The following ENOX1 variants were observed in gnomAD, a reference collection of about 807,000 sequenced individuals.
The protein encoded by ENOX1 is ecto-NOX disulfide-thiol exchanger 1.
A neutral mutation model predicts 82.5 loss-of-function variants in ENOX1; 42 were observed. The ratio of observed to expected loss-of-function variants is 0.51; its 90% CI spans 0.40 to 0.66. The LOEUF (loss-of-function observed/expected upper bound fraction) is 0.66. Among genes scored for constraint, ENOX1 ranks in the 30% least tolerant of loss-of-function variants. The probability of loss-of-function intolerance (pLI) is 0.00; values close to 1 mark genes in which losing one functional copy is unlikely to be tolerated. For synonymous variants in ENOX1, 271 were observed against 282.2 expected (o/e 0.96, Z 0.40); for missense variants, 608 against 811.6 (o/e 0.75, Z 3.05).
At chr13:43,516,085 A>T (rs990373161) in intron 2 of ENOX1, among the ~76,000 whole-genome samples, 13 of 152,196 alleles carry the variant, frequency 8.5e-5, no homozygotes, top group African/African-American at 3.1e-4. Flanking sequence ...AGTATCTAGC[A>T]GTCAGCGGGA....
At chr13:43,360,755 T>C (rs2050450611) in intron 6 of ENOX1, among the ~76,000 whole-genome samples, 1 of 150,682 alleles carries the variant, frequency 6.6e-6, no homozygotes, top group Non-Finnish European at 1.5e-5. Context: ...ATAAACTTAG[T>C]ATCTGAGGCA....
intron 12 of ENOX1, among the ~76,000 whole-genome samples, chr13:43,291,148 T>C (rs1184700252): frequency 1.3e-5 from 2 of 152,244 alleles, no homozygotes; most frequent in African/African-American, 2.4e-5. Context: ...CTTGTCCTTC[T>C]ATGCTTGTGC....
At chr13:43,541,962 A>G (rs1464504907) in intron 2 of ENOX1, among the ~76,000 whole-genome samples, 2 of 152,152 alleles carry the variant, frequency 1.3e-5, no homozygotes, top group African/African-American at 4.8e-5. Flanking sequence ...CCCTCCGAAA[A>G]AAAGAGAACG....
At chr13:43,698,316 T>C (rs1413192179) in intron 1 of ENOX1, among the ~76,000 whole-genome samples, 1 of 152,162 alleles carries the variant, frequency 6.6e-6, no homozygotes, top group African/African-American at 2.4e-5. Flanking sequence ...TACCTTTTGG[T>C]AAACACATTC....
At chr13:43,646,852 G>A (rs191419213) in intron 2 of ENOX1, among the ~76,000 whole-genome samples, 192 of 152,264 alleles carry the variant, frequency 1.3e-3, no homozygotes, top group Admixed American at 4.6e-3. Flanking sequence ...TACAGAGCAC[G>A]TCTCAATAAT....
intron 1 of ENOX1, among the ~76,000 whole-genome samples, chr13:43,681,240 G>C (rs988132615): frequency 1.3e-5 from 2 of 152,056 alleles, no homozygotes; most frequent in African/African-American, 2.4e-5. Flanking sequence ...TTATAGAATG[G>C]AAAAGGCTTT....
At chr13:43,762,831 T>C (rs1951059650) in intron 1 of ENOX1, among the ~76,000 whole-genome samples, 1 of 152,188 alleles carries the variant, frequency 6.6e-6, no homozygotes. Flanking sequence ...TTACAAGAAA[T>C]ATTTATGGGA....
At chr13:43,469,069 T>C (rs886870657) in intron 3 of ENOX1, among the ~76,000 whole-genome samples, 1 of 152,186 alleles carries the variant, frequency 6.6e-6, no homozygotes, top group African/African-American at 2.4e-5. Context: ...TGGAAAACTT[T>C]CAGTCTTTCA....
chr13:43,691,360 T>C (rs1376453302), intron 1 of ENOX1, among the ~76,000 whole-genome samples: 4 of 152,024 alleles, frequency 2.6e-5, no homozygotes, highest in Non-Finnish European at 5.9e-5. Flanking sequence ...ACTGCCTAAT[T>C]TCTCTGGAAT....
chr13:43,474,130 A>G (rs1430625637), intron 3 of ENOX1, among the ~76,000 whole-genome samples: 1 of 152,182 alleles, frequency 6.6e-6, no homozygotes, highest in African/African-American at 2.4e-5. Flanking sequence ...GATTCCTTCC[A>G]CTATGTATCA....
chr13:43,544,283 G>C (rs1397405505), intron 2 of ENOX1: 1 of 152,138 alleles, frequency 6.6e-6, no homozygotes, highest in Non-Finnish European at 1.5e-5. Context: ...CCAGTTTCTT[G>C]GGCTGTAAAT....
At chr13:43,784,984 A>G (rs1442070927) in intron 1 of ENOX1, among the ~76,000 whole-genome samples, 1 of 152,252 alleles carries the variant, frequency 6.6e-6, no homozygotes, top group African/African-American at 2.4e-5. Context: ...ATGCCAGAAC[A>G]ATATGCATTT....
At chr13:43,531,161 T>C (rs1356229440) in intron 2 of ENOX1, among the ~76,000 whole-genome samples, 1 of 152,034 alleles carries the variant, frequency 6.6e-6, no homozygotes, top group East Asian at 1.9e-4. Flanking sequence ...TGTAGGAGGT[T>C]TTATACTTTC....
At chr13:43,253,058 A>G (rs1593542700) in intron 14 of ENOX1, among the ~76,000 whole-genome samples, 1 of 152,156 alleles carries the variant, frequency 6.6e-6, no homozygotes, top group East Asian at 1.9e-4. Flanking sequence ...TTTGCTTCCA[A>G]TTCAAGAGCC....
intron 11 of ENOX1, 81 bp from the exon 12 acceptor site, chr13:43,298,611 T>C: frequency 7.6e-7 from 1 of 1,313,778 alleles, no homozygotes; most frequent in South Asian, 1.5e-5. Context: ...AGGGAGTCTG[T>C]CACCCAAGTT....
chr13:43,397,446 T>C (rs537966922), intron 5 of ENOX1, among the ~76,000 whole-genome samples: 2 of 152,294 alleles, frequency 1.3e-5, no homozygotes, highest in Admixed American at 6.5e-5. Flanking sequence ...CATTAGGGTA[T>C]TGAGGCTCAT....
chr13:43,368,974 C>A (rs1015544370), intron 5 of ENOX1, among the ~76,000 whole-genome samples: 1 of 151,930 alleles, frequency 6.6e-6, no homozygotes, highest in African/African-American at 2.4e-5. Flanking sequence ...CTCCAGCATG[C>A]CTTCCTTTGG....
At chr13:43,235,933 G>A (rs2042526952) in intron 15 of ENOX1, among the ~76,000 whole-genome samples, 1 of 152,148 alleles carries the variant, frequency 6.6e-6, no homozygotes, top group Admixed American at 6.5e-5. Flanking sequence ...CAGCATGAGG[G>A]TGGTGGCTTC....
chr13:43,307,307 T>C (rs6561115), intron 11 of ENOX1, among the ~76,000 whole-genome samples: 144,797 of 152,274 alleles, frequency 0.95, 69,253 homozygotes, highest in East Asian at 1. Context: ...AGCTGGCATC[T>C]TGAGGTATCT....
Sources: gnomAD v4.1 joint callset for allele counts (sites outside exome capture counted in the v4.1 genomes callset) on GRCh38, gnomAD v4.1.1 for gene constraint, MANE v1.5 for transcripts, NCBI Gene and HGNC (gene_info 2026-07-23, HGNC 2026-07-21) for gene names.